Variants in SLC8A1 observed in about 807,000 individuals in gnomAD.
SLC8A1 encodes the protein sodium/calcium exchanger 1.
A neutral mutation model predicts 68.3 loss-of-function variants in SLC8A1; 18 were observed. The observed-to-expected ratio is 0.26, with a 90% confidence interval of 0.18 to 0.39. The LOEUF is 0.39. SLC8A1 is among the 10% of genes least tolerant of loss of function. The probability of loss-of-function intolerance (pLI) is 1.00; values close to 1 mark genes in which losing one functional copy is unlikely to be tolerated. For missense variants in SLC8A1, 985 were observed against 1,156.7 expected (o/e 0.85, Z 2.15); for synonymous variants, 475 against 415.5 (o/e 1.14, Z -1.74).
chr2:40,396,421 T>A (rs1416511906), intron 2 of SLC8A1, among the ~76,000 whole-genome samples: 1 of 152,152 alleles, frequency 6.6e-6, no homozygotes, highest in Non-Finnish European at 1.5e-5. Context: ...CTGCTGCCAG[T>A]AATAATAGTA....
At chr2:40,235,223 T>A (rs1025319241) in intron 2 of SLC8A1, among the ~76,000 whole-genome samples, 1 of 152,200 alleles carries the variant, frequency 6.6e-6, no homozygotes, top group Non-Finnish European at 1.5e-5. Flanking sequence ...TGAATCCATC[T>A]GGTCCTGGAC....
intron 1 of SLC8A1, among the ~76,000 whole-genome samples, chr2:40,457,533 T>A (rs987168386): frequency 2.0e-5 from 3 of 152,162 alleles, no homozygotes; most frequent in African/African-American, 7.2e-5. Flanking sequence ...TTATGGGTGT[T>A]GTAATCCATG....
intron 2 of SLC8A1, among the ~76,000 whole-genome samples, chr2:40,374,502 T>C (rs1679173739): frequency 6.6e-6 from 1 of 152,074 alleles, no homozygotes; most frequent in African/African-American, 2.4e-5. Context: ...TTATAAACTG[T>C]ACATTTTGCA....
chr2:40,236,943 G>T (rs2060471135), intron 2 of SLC8A1, among the ~76,000 whole-genome samples: 1 of 152,084 alleles, frequency 6.6e-6, no homozygotes, highest in South Asian at 2.1e-4. Context: ...CTCTCTTCTG[G>T]CTTGTAGGGT....
At chr2:40,120,761 A>G (rs1490422733) in intron 7 of SLC8A1, 3 of 152,234 alleles carry the variant, frequency 2.0e-5, no homozygotes, top group African/African-American at 7.2e-5. Context: ...TATTTATGGA[A>G]TTAAACTACA....
chr2:40,482,001 G>T (rs561903788), intron 1 of SLC8A1, among the ~76,000 whole-genome samples: 50 of 152,276 alleles, frequency 3.3e-4, no homozygotes, highest in Non-Finnish European at 6.0e-4. Flanking sequence ...TAAAAACAGA[G>T]ATTTGTAGAA....
At chr2:40,508,949 C>G (rs192807496) in intron 1 of SLC8A1, among the ~76,000 whole-genome samples, 73 of 152,062 alleles carry the variant, frequency 4.8e-4, no homozygotes, top group African/African-American at 1.7e-3. Flanking sequence ...ATCACCTACC[C>G]TACGTGATTT....
chr2:40,238,106 G>T (rs2060662144), intron 2 of SLC8A1, among the ~76,000 whole-genome samples: 1 of 152,060 alleles, frequency 6.6e-6, no homozygotes, highest in Non-Finnish European at 1.5e-5. Context: ...AGGCAGGCAG[G>T]CCTCCTTGAG....
intron 1 of SLC8A1, among the ~76,000 whole-genome samples, chr2:40,480,922 G>A (rs577688590): frequency 6.6e-6 from 1 of 152,180 alleles, no homozygotes; most frequent in Non-Finnish European, 1.5e-5. Context: ...GCCAAAAATC[G>A]CACTGCTGTT....
chr2:40,407,509 C>T (rs778964905), intron 2 of SLC8A1, among the ~76,000 whole-genome samples: 44 of 152,188 alleles, frequency 2.9e-4, no homozygotes, highest in Admixed American at 1.3e-3. Flanking sequence ...TGCCTGTGTC[C>T]ATTTTTCCAT....
intron 6 of SLC8A1, among the ~76,000 whole-genome samples, chr2:40,159,076 T>C (rs1274934920): frequency 6.6e-6 from 1 of 152,152 alleles, no homozygotes; most frequent in Non-Finnish European, 1.5e-5. Flanking sequence ...ACTCCTCTGC[T>C]AGAAAAGCAA....
Position 40,329,062 on chromosome 2 carries a change from A to T in SLC8A1, c.1808+99411T>A, listed in dbSNP as rs1017044230. On this transcript the variant is annotated intron_variant, in intron 2 of 7. Coordinates refer to ENST00000406785, the Ensembl canonical transcript of SLC8A1. ...TTTCATCTCCTCACACTACAACCTCACACACACACACACACACACACACAC... is the reference window on the plus strand; with the variant it reads ...TTTCATCTCCTCACACTACAACCTCTCACACACACACACACACACACACAC... Among the ~76,000 whole-genome samples, 32 of 24,572 alleles carry T rather than the reference A, an allele frequency of 1.3e-3. No homozygotes were observed. In the South Asian group the frequency reaches 0.026, roughly 20 times the overall value. 16.1% of individuals were successfully genotyped at this position (24,572 alleles called of 152,430 possible).
chr2:40,233,166 A>T (rs1422032988), intron 2 of SLC8A1, among the ~76,000 whole-genome samples: 1 of 152,152 alleles, frequency 6.6e-6, no homozygotes, highest in Non-Finnish European at 1.5e-5. Context: ...TCCCTGAGGA[A>T]TGGCCACACT....
At chr2:40,490,966 G>T (rs78566639) in intron 1 of SLC8A1, among the ~76,000 whole-genome samples, 3 of 151,964 alleles carry the variant, frequency 2.0e-5, no homozygotes, top group Non-Finnish European at 4.4e-5. Flanking sequence ...TTAAAAACCC[G>T]GCCATTCACT....
intron 2 of SLC8A1, among the ~76,000 whole-genome samples, chr2:40,390,805 C>G (rs1685017962): frequency 6.6e-6 from 1 of 152,088 alleles, no homozygotes; most frequent in Non-Finnish European, 1.5e-5. Context: ...TCCAATCACT[C>G]CAAGTGAGCT....
intron 2 of SLC8A1, among the ~76,000 whole-genome samples, chr2:40,180,660 G>T (rs1240971878): frequency 6.6e-6 from 1 of 152,170 alleles, no homozygotes; most frequent in African/African-American, 2.4e-5. Context: ...CCCTCATTGT[G>T]AGAGTCACGT....
chr2:40,295,259 C>T (rs553457566), intron 2 of SLC8A1, among the ~76,000 whole-genome samples: 1 of 151,982 alleles, frequency 6.6e-6, no homozygotes, highest in Admixed American at 6.6e-5. Flanking sequence ...GCCACCATGC[C>T]CAGCTAATTT....
intron 2 of SLC8A1, among the ~76,000 whole-genome samples, chr2:40,279,985 G>T (rs984725785): frequency 2.0e-5 from 3 of 151,926 alleles, no homozygotes; most frequent in Non-Finnish European, 4.4e-5. Context: ...ATATACAATT[G>T]CATCTGTATT....
At chr2:40,433,981 T>C (rs1698905105) in intron 1 of SLC8A1, among the ~76,000 whole-genome samples, 2 of 152,168 alleles carry the variant, frequency 1.3e-5, no homozygotes, top group South Asian at 4.1e-4. Context: ...GCTAGCATGT[T>C]CCTAGAGACA....
Sources: allele counts gnomAD v4.1 joint callset (sites outside exome capture counted in the v4.1 genomes callset), GRCh38; gene constraint gnomAD v4.1.1; transcripts MANE v1.5; gene names NCBI Gene and HGNC (gene_info 2026-07-23, HGNC 2026-07-21).